The following TSKS variants were observed in gnomAD, a reference collection of about 807,000 sequenced individuals.
The protein encoded by TSKS is testis specific serine kinase substrate.
In TSKS, 27 loss-of-function variants were observed where a neutral mutation model predicts 68.0. That is an observed-to-expected ratio of 0.40 (90% CI 0.29 to 0.55). TSKS has a LOEUF of 0.55. Among genes scored for constraint, TSKS ranks in the 20% least tolerant of loss-of-function variants. The pLI is 0.53. For synonymous variants in TSKS, 331 were observed against 340.4 expected (o/e 0.97, Z 0.30); for missense variants, 806 against 776.0 (o/e 1.04, Z -0.46).
chr19:49,757,890 C>CTT (rs745890038), intron 2 of TSKS, among the ~76,000 whole-genome samples: 23 of 130,166 alleles, frequency 1.8e-4, no homozygotes, highest in South Asian at 2.4e-4. Flanking sequence ...TCTCTGTCTT[C>CTT]TTTTTTTTTT....
intron 2 of TSKS, among the ~76,000 whole-genome samples, chr19:49,756,726 C>G (rs2123625888): frequency 6.6e-6 from 1 of 152,304 alleles, no homozygotes; most frequent in Non-Finnish European, 1.5e-5. Context: ...ATTTGCCTCA[C>G]TTGAGTATGA....
intron 4 of TSKS, among the ~76,000 whole-genome samples, chr19:49,747,676 C>G (rs567472667): frequency 6.6e-6 from 1 of 152,174 alleles, no homozygotes; most frequent in Non-Finnish European, 1.5e-5. Context: ...CCTCCCACCT[C>G]TCTTCGGTCC....
At chr19:49,762,314 AC>A in intron 1 of TSKS, 82 bp from the exon 2 acceptor site, 2 of 961,438 alleles carry the variant, frequency 2.1e-6, no homozygotes, top group Non-Finnish European at 1.6e-6. Context: ...TCCATACCTC[AC>A]CCCCTGTGAC....
intron 7 of TSKS, among the ~76,000 whole-genome samples, chr19:49,744,900 G>A (rs769109780): frequency 6.6e-6 from 1 of 152,074 alleles, no homozygotes; most frequent in Non-Finnish European, 1.5e-5. Flanking sequence ...ACCTTTTGTA[G>A]ATTACTGTTT....
intron 8 of TSKS, 145 bp downstream of exon 8, chr19:49,744,086 A>G: frequency 1.3e-6 from 1 of 782,770 alleles, no homozygotes; most frequent in South Asian, 1.8e-5. Flanking sequence ...CTAGTGCAGC[A>G]GGACCGGCTG....
intron 4 of TSKS, among the ~76,000 whole-genome samples, 178 bp downstream of exon 4, chr19:49,747,906 AC>A (rs1465189793): frequency 6.6e-6 from 1 of 152,008 alleles, no homozygotes; most frequent in Non-Finnish European, 1.5e-5. Context: ...ATGGGGTTTC[AC>A]CATGTTGGCC....
In TSKS at chr19:49,762,047, G is replaced by C; in HGVS notation, c.356C>G (p.Thr119Ser). ...TGCGTCATCCGGATCCCAGGGTAGG[G>C]TAGGGGAGGCAGGGGGCCCAGCCAG... ...LTLAGPPASP[T>S]LPWDPDDADI... is the part of the protein sequence containing the mutation. Residue 119 changes from threonine to serine, a missense_variant, in exon 2 of 11, where the codon ACC becomes AGC. Coordinates refer to ENST00000246801, the MANE Select transcript of TSKS (RefSeq NM_021733.2). The C allele has an allele frequency of 6.2e-7, 1 of 1,614,128 alleles. No individual in the cohort carries two copies. Among genetic ancestry groups the C allele is most frequent in the Non-Finnish European group, 8.5e-7 (1 of 1,180,022 alleles).
At chr19:49,743,920 T>C (rs888208797) in intron 8 of TSKS, among the ~76,000 whole-genome samples, 5 of 151,276 alleles carry the variant, frequency 3.3e-5, no homozygotes, top group Non-Finnish European at 7.4e-5. Flanking sequence ...TTGGCCAGGC[T>C]AGTCTCGAAC....
chr19:49,741,867 G>A lies in TSKS; in HGVS notation c.1497+18C>T. 6.2e-7 allele frequency: 1 copy of A among 1,614,068 alleles called. No individual in the cohort carries two copies. The highest frequency in any genetic ancestry group is 8.5e-7 in the Non-Finnish European group (1 of 1,179,998). On this transcript the variant is annotated intron_variant, in intron 9 of 10. Coordinates refer to ENST00000246801, the MANE Select transcript of TSKS (RefSeq NM_021733.2). ...CAGAAAAGTAAAGTGGGACATGGTGGCCCATATTCCCTGGTACCAGAATCT... is the reference window on the plus strand; with the variant it reads ...CAGAAAAGTAAAGTGGGACATGGTGACCCATATTCCCTGGTACCAGAATCT...
chr19:49,763,120 G>A lies in TSKS; in HGVS notation c.128C>T (p.Ala43Val). ...CTTCTTTTTCTTCGGGATCCCCTTG[G>A]CCCGGCTGGTCACCCTCCGGGGAGC... ...PEAPRRVTSRAKGIPKKKKAV... is the reference protein window; with the variant it reads ...PEAPRRVTSRVKGIPKKKKAV... The change falls in exon 1 of 11, where the codon GCC becomes GTC. Residue 43 changes from alanine (A) to valine (V), a missense_variant. Transcript: ENST00000246801. This position sits in a 1 kb window ranked among gnomAD's most constrained non-coding sequence, Gnocchi z 4.5. 6.2e-7 allele frequency: 1 copy of A among 1,612,296 alleles called. No individual in the cohort carries two copies.
At chr19:49,740,333 C>G (rs1386641749) in intron 9 of TSKS, 150 bp from the exon 10 acceptor site, 6 of 906,234 alleles carry the variant, frequency 6.6e-6, no homozygotes, top group Non-Finnish European at 9.7e-6. Flanking sequence ...TGAGACTGAC[C>G]CCAGCATCCC....
chr19:49,752,996 G>C (rs886100811), intron 2 of TSKS, among the ~76,000 whole-genome samples: 3 of 152,236 alleles, frequency 2.0e-5, no homozygotes, highest in Admixed American at 1.3e-4. Flanking sequence ...AGAAGATTTT[G>C]TTGTTGTTCC....
In TSKS at chr19:49,748,114, C is replaced by G. The variant is rs781748407; in HGVS notation, c.550G>C (p.Glu184Gln). 61 of 1,614,100 alleles carry G rather than the reference C, an allele frequency of 3.8e-5. No individual in the cohort carries two copies. The highest frequency in any genetic ancestry group is 4.7e-5 in the Non-Finnish European group (55 of 1,180,056). The change falls in exon 4 of 11, where the codon GAG becomes CAG. Residue 184 changes from glutamate to glutamine, a missense_variant. Glu to Gln is a conservative substitution (Grantham distance 29). Coordinates refer to ENST00000246801, the MANE Select transcript of TSKS (RefSeq NM_021733.2). Reference sequence around the variant, plus strand: ...AGTTGAATGCAGTACCCCTCCAACTCTTCTGCCTCTTGCCGCCTTCTCTCC... The same window carrying G: ...AGTTGAATGCAGTACCCCTCCAACTGTTCTGCCTCTTGCCGCCTTCTCTCC... ...NLERRRQEAE[E>Q]LEGYCIQLKE...
chr19:49,742,250 T>A (rs891066088), intron 8 of TSKS, among the ~76,000 whole-genome samples: 1 of 151,932 alleles, frequency 6.6e-6, no homozygotes, highest in African/African-American at 2.4e-5. Context: ...CAGGCTGGAG[T>A]GCAGTGGCGC....
At position 49,746,641 on chromosome 19, in the gene TSKS, C is replaced by T. The variant is rs771410780; in HGVS notation, c.821G>A (p.Gly274Asp). The change falls in exon 6 of 11, where the codon GGC becomes GAC. Residue 274 changes from glycine (G) to aspartate (D), a missense_variant. Coordinates refer to ENST00000246801, the MANE Select transcript of TSKS (RefSeq NM_021733.2). ...GCAGCCCTGGGACGTGGCGGCGGGGCCCAGGCTGTTCCAGGAGAGGCCAGC... is the reference window on the plus strand; with the variant it reads ...GCAGCCCTGGGACGTGGCGGCGGGGTCCAGGCTGTTCCAGGAGAGGCCAGC... ...PEAGLSWNSL[G>D]PAATSQGCPG... 17 of 1,608,654 alleles carry T rather than the reference C, an allele frequency of 1.1e-5. No homozygotes were observed. The African/African-American group carries it at 1.3e-4, about 13-fold the overall frequency.
chr19:49,748,456 C>G lies in TSKS; in HGVS notation c.413G>C (p.Ser138Thr). 1 of 1,614,166 alleles carries G rather than the reference C, an allele frequency of 6.2e-7. No homozygotes were observed. The highest frequency in any genetic ancestry group is 8.5e-7 in the Non-Finnish European group (1 of 1,180,004). The part of the protein sequence containing the change: ...DITEILSGVN[S>T]GLVRAKDSIT... Reference sequence around the variant, plus strand: ...GGAGTCTTTGGCGCGGACCAATCCACTGTTGACCCCACTCTGGGGAAGAAT... The same window carrying G: ...GGAGTCTTTGGCGCGGACCAATCCAGTGTTGACCCCACTCTGGGGAAGAAT... The change falls in exon 3 of 11, where the codon AGT becomes ACT. Residue 138 changes from serine to threonine, a missense_variant. Ser to Thr is a moderately conservative substitution (Grantham distance 58). Transcript: ENST00000246801.
At chr19:49,753,561 CAATAATAATAAT>C (rs59369964) in intron 2 of TSKS, among the ~76,000 whole-genome samples, 15 of 136,174 alleles carry the variant, frequency 1.1e-4, no homozygotes, top group South Asian at 4.8e-4. Context: ...GACTCCATCT[CAATAATAATAAT>C]AATAATAATA....
chr19:49,756,896 C>A (rs1333255826), intron 2 of TSKS, among the ~76,000 whole-genome samples: 1 of 151,888 alleles, frequency 6.6e-6, no homozygotes, highest in Non-Finnish European at 1.5e-5. Context: ...CCTGTTTCTA[C>A]AAAAAATACA....
chr19:49,748,313 T>TA, intron 3 of TSKS, 61 bp downstream of exon 3: 1 of 1,585,964 alleles, frequency 6.3e-7, no homozygotes, highest in Non-Finnish European at 8.6e-7. Context: ...GGAGGCAGGC[T>TA]CCAAGAAGGG....
Sources: allele counts gnomAD v4.1 joint callset (sites outside exome capture counted in the v4.1 genomes callset), GRCh38; gene constraint gnomAD v4.1.1; non-coding constraint Gnocchi (gnomAD v3.1); transcripts MANE v1.5; gene names NCBI Gene and HGNC (gene_info 2026-07-23, HGNC 2026-07-21).